NOL4: variants seen among roughly 807,000 people sequenced by gnomAD.
NOL4 encodes nucleolar protein 4.
In NOL4, 17 loss-of-function variants were observed where a neutral mutation model predicts 75.9. The ratio of observed to expected loss-of-function variants is 0.22; its 90% CI spans 0.15 to 0.34. The LOEUF (loss-of-function observed/expected upper bound fraction) is 0.34. Among genes scored for constraint, NOL4 ranks in the 10% least tolerant of loss-of-function variants. The pLI is 1.00. For missense variants in NOL4, 614 were observed against 793.5 expected (o/e 0.77, Z 2.72); for synonymous variants, 292 against 289.9 (o/e 1.01, Z -0.07).
intron 1 of NOL4, among the ~76,000 whole-genome samples, chr18:34,203,644 A>G (rs2035893616): frequency 1.3e-5 from 2 of 150,944 alleles, no homozygotes; most frequent in African/African-American, 2.4e-5. Context: ...AAGTGGGATT[A>G]GAGAGCTGGA....
chr18:34,035,611 C>T (rs1357951843), intron 5 of NOL4, among the ~76,000 whole-genome samples: 1 of 150,538 alleles, frequency 6.6e-6, no homozygotes, highest in African/African-American at 2.4e-5. Flanking sequence ...AGCCCAAAAA[C>T]AGCAAAAGGA....
chr18:33,966,164 A>G (rs2070568195), intron 6 of NOL4, among the ~76,000 whole-genome samples: 1 of 152,166 alleles, frequency 6.6e-6, no homozygotes, highest in South Asian at 2.1e-4. Context: ...CATTTTGTAA[A>G]GCCTGAAAGT....
chr18:34,205,551 G>A (rs1317824147), intron 1 of NOL4, among the ~76,000 whole-genome samples: 1 of 152,068 alleles, frequency 6.6e-6, no homozygotes, highest in Non-Finnish European at 1.5e-5. Flanking sequence ...GGGAAATTAG[G>A]TGAGTTCATC....
At chr18:33,949,250 C>A (rs1322978174) in intron 8 of NOL4, among the ~76,000 whole-genome samples, 1 of 152,170 alleles carries the variant, frequency 6.6e-6, no homozygotes, top group African/African-American at 2.4e-5. Context: ...TTCAACTGTC[C>A]TTATTTCATT....
At chr18:34,009,242 A>G (rs1365463378) in intron 6 of NOL4, among the ~76,000 whole-genome samples, 1 of 151,926 alleles carries the variant, frequency 6.6e-6, no homozygotes. Context: ...AATGCCTATA[A>G]AATGCCTCTG....
chr18:34,223,262 C>G lies in NOL4; in HGVS notation c.-9G>C, dbSNP rs2037447634. ...TCGCGCTCGCTCTCCATGTTCCCCG[C>G]GCTCGGCCGCTGGCCGGATGCTCCC... On this transcript the variant is annotated 5_prime_UTR_variant, in exon 1 of 11. Coordinates refer to ENST00000261592, the MANE Select transcript of NOL4 (RefSeq NM_003787.5). The G allele has an allele frequency of 6.2e-7, 1 of 1,611,828 alleles. No individual in the cohort carries two copies. Among genetic ancestry groups the G allele is most frequent in the Non-Finnish European group, 8.5e-7 (1 of 1,179,392 alleles).
At chr18:34,208,470 T>C (rs943548553) in intron 1 of NOL4, among the ~76,000 whole-genome samples, 13 of 152,088 alleles carry the variant, frequency 8.5e-5, no homozygotes, top group Non-Finnish European at 1.3e-4. Flanking sequence ...TCTCAGAATC[T>C]TACTAACAAG....
At chr18:34,130,042 C>G (rs765333701) in intron 1 of NOL4, 22 bp from the exon 2 acceptor site, 7 of 1,504,384 alleles carry the variant, frequency 4.7e-6, no homozygotes, top group Non-Finnish European at 6.2e-6. Flanking sequence ...ACAACAACAA[C>G]AAAAACCCAT....
chr18:34,203,015 C>T (rs1163531091), intron 1 of NOL4, among the ~76,000 whole-genome samples: 1 of 151,952 alleles, frequency 6.6e-6, no homozygotes, highest in Non-Finnish European at 1.5e-5. Flanking sequence ...TGTGTAACAG[C>T]CCAAAGCTGA....
intron 5 of NOL4, among the ~76,000 whole-genome samples, chr18:34,092,466 C>T (rs766745018): frequency 1.2e-4 from 19 of 152,224 alleles, no homozygotes; most frequent in South Asian, 2.1e-4. Context: ...TGTTCTTGGA[C>T]GTTTTTTATG....
chr18:33,948,344 T>C (rs1056741255), intron 8 of NOL4, among the ~76,000 whole-genome samples: 1 of 151,890 alleles, frequency 6.6e-6, no homozygotes, highest in African/African-American at 2.4e-5. Flanking sequence ...ATTCTGTAAT[T>C]TGGATGGTAC....
At chr18:34,085,941 A>G (rs1287165221) in intron 5 of NOL4, among the ~76,000 whole-genome samples, 1 of 152,092 alleles carries the variant, frequency 6.6e-6, no homozygotes, top group Non-Finnish European at 1.5e-5. Context: ...AATCTCCTCC[A>G]ATTCATAGTA....
At chr18:33,943,824 A>G (rs1225748103) in intron 8 of NOL4, among the ~76,000 whole-genome samples, 1 of 151,874 alleles carries the variant, frequency 6.6e-6, no homozygotes, top group East Asian at 1.9e-4. Context: ...ATGAGCTGAT[A>G]TTTTATAGGG....
chr18:33,954,850 C>T (rs2069526375), intron 8 of NOL4, among the ~76,000 whole-genome samples: 1 of 151,850 alleles, frequency 6.6e-6, no homozygotes, highest in Non-Finnish European at 1.5e-5. Context: ...AGATCCAGAT[C>T]CCTGAAGTGG....
chr18:34,058,595 C>T (rs574439467), intron 5 of NOL4, among the ~76,000 whole-genome samples: 1 of 152,204 alleles, frequency 6.6e-6, no homozygotes, highest in African/African-American at 2.4e-5. Flanking sequence ...CTCCTATGTG[C>T]CTACGTCTAG....
At chr18:33,965,962 C>T (rs564606296) in intron 6 of NOL4, among the ~76,000 whole-genome samples, 63 of 152,192 alleles carry the variant, frequency 4.1e-4, no homozygotes, top group Non-Finnish European at 7.5e-4. Flanking sequence ...ATGAGTACTA[C>T]TGGTTCATTG....
At chr18:34,056,177 C>T (rs921398430) in intron 5 of NOL4, among the ~76,000 whole-genome samples, 9 of 152,144 alleles carry the variant, frequency 5.9e-5, no homozygotes, top group Non-Finnish European at 1.3e-4. Context: ...CATCAAGCCA[C>T]ATTTCTTTGT....
intron 2 of NOL4, among the ~76,000 whole-genome samples, chr18:34,111,627 C>T (rs573566062): frequency 1.3e-5 from 2 of 152,194 alleles, no homozygotes; most frequent in East Asian, 3.9e-4. Flanking sequence ...ATTATCCAGT[C>T]TAGATTATTT....
chr18:34,086,412 T>C (rs1439702523), intron 5 of NOL4, among the ~76,000 whole-genome samples: 1 of 152,120 alleles, frequency 6.6e-6, no homozygotes, highest in African/African-American at 2.4e-5. Flanking sequence ...ACATAATCTC[T>C]CCAGGGAATC....
Sources: gnomAD v4.1 joint callset for allele counts (sites outside exome capture counted in the v4.1 genomes callset) on GRCh38, gnomAD v4.1.1 for gene constraint, MANE v1.5 for transcripts, NCBI Gene and HGNC (gene_info 2026-07-23, HGNC 2026-07-21) for gene names.